The following CD36 variants were observed in gnomAD, a reference collection of about 807,000 sequenced individuals.
The protein encoded by CD36 is platelet glycoprotein 4.
CD36 carries 119 observed loss-of-function variants against 55.2 expected under a neutral mutation model. The ratio of observed to expected loss-of-function variants is 2.15; its 90% confidence interval spans 1.86 to 2.51. CD36 has a LOEUF of 2.51. CD36 is among the 30% of genes most tolerant of loss of function. CD36 has a pLI of 0.00. For missense variants in CD36, 819 were observed against 555.5 expected, an observed-to-expected ratio of 1.47 and a Z score of -4.77; for synonymous variants, 186 against 193.6, an observed-to-expected ratio of 0.96 and a Z score of 0.33.
chr7:80,606,172 C>G (rs1374782036), intron 1 of CD36, among the ~76,000 whole-genome samples: 3 of 152,058 alleles, frequency 2.0e-5, no homozygotes, highest in Non-Finnish European at 2.9e-5. Context: ...TTTTGAATCA[C>G]GTAAATAACT....
In CD36 at chr7:80,674,318, A is replaced by T. The variant is rs1394075001; in HGVS notation, c.*171A>T. ...ACCTATAAATATTATCACGCAGATC[A>T]CTAAAGTATATCTTTAATTCTGGGA... On this transcript the variant is annotated intron_variant, in intron 14 of 14. Coordinates refer to ENST00000447544, the MANE Select transcript of CD36 (RefSeq NM_001001548.3). The T allele has an allele frequency of 6.9e-6, 4 of 578,590 alleles. No individual in the cohort carries two copies. In the East Asian group the frequency reaches 1.2e-4, roughly 17 times the overall value. The allele number at this position is 578,590 out of a possible 1,614,324, so 35.8% of individuals were successfully genotyped here.
chr7:80,625,067 C>T (rs1793667272), intron 1 of CD36: 1 of 152,054 alleles, frequency 6.6e-6, no homozygotes, highest in Non-Finnish European at 1.5e-5. Context: ...ATTGTATTGG[C>T]TTGGGCTAGT....
At chr7:80,633,080 C>T (rs953869903) in intron 1 of CD36, 1 of 151,820 alleles carries the variant, frequency 6.6e-6, no homozygotes. Flanking sequence ...TCTGTTTTTT[C>T]CTCGAATAAT....
chr7:80,607,450 C>G (rs1311465966), intron 1 of CD36, among the ~76,000 whole-genome samples: 1 of 152,104 alleles, frequency 6.6e-6, no homozygotes, highest in Non-Finnish European at 1.5e-5. Flanking sequence ...TAGTTTTTAG[C>G]ACACTCTAAA....
upstream of CD36, among the ~76,000 whole-genome samples, chr7:80,637,398 A>G (rs1584340102): frequency 6.6e-6 from 1 of 152,186 alleles, no homozygotes; most frequent in Admixed American, 6.6e-5. Context: ...GAAAGCATAA[A>G]TTATAAAGAG....
chr7:80,666,180 T>C (rs745485836), intron 7 of CD36: 14 of 434,672 alleles, frequency 3.2e-5, no homozygotes, highest in Non-Finnish European at 4.6e-5. Flanking sequence ...ATGTTTTTAA[T>C]TTTTTTCTTA....
chr7:80,667,748 T>G (rs971232523), intron 8 of CD36, among the ~76,000 whole-genome samples: 7 of 68,388 alleles, frequency 1.0e-4, no homozygotes, highest in East Asian at 8.5e-4. Context: ...TTTTCTTTTG[T>G]TTTTTTTTTT....
At chr7:80,614,793 A>T (rs2115819804) in intron 1 of CD36, among the ~76,000 whole-genome samples, 1 of 152,146 alleles carries the variant, frequency 6.6e-6, no homozygotes, top group African/African-American at 2.4e-5. Flanking sequence ...TGCCCTTGTT[A>T]TTTGCTCTGC....
intron 1 of CD36, among the ~76,000 whole-genome samples, chr7:80,644,592 G>T (rs951750228): frequency 1.3e-5 from 2 of 152,044 alleles, no homozygotes; most frequent in African/African-American, 4.8e-5. Context: ...TCTTTTCTTA[G>T]CTCTACAGGT....
rs146688103 is a variant in CD36 at position 80,624,477 on chromosome 7, T to C, written c.-183-21611T>C. 4.7e-3 allele frequency among the ~76,000 whole-genome samples: 722 copies of C among 152,270 alleles called. 7 individuals carry two copies. The highest frequency in any genetic ancestry group is 0.017 in the African/African-American group (694 of 41,544). On this transcript the variant is annotated intron_variant, in intron 1 of 13. Transcript: ENST00000309881. The stretch of plus-strand genomic sequence containing the variant: ...TACTATGAGTTCTCAGTAATTGTTA[T>C]GTTAATAAGTGGTAAGAAGGCATTC...
chr7:80,645,164 G>A (rs1795068523), intron 1 of CD36, among the ~76,000 whole-genome samples: 1 of 151,592 alleles, frequency 6.6e-6, no homozygotes, highest in Non-Finnish European at 1.5e-5. Flanking sequence ...GGGATTACAA[G>A]CATGTGCCAC....
rs1426165617 is a variant in CD36, at chr7:80,677,320, TCTC to T, written c.*940_*942del. ...GTTCACTTATTCTGAGAGCATTAGT[TCTC>T]CTAAAAAGCTCCAGCATAGAAAGGG... is the stretch of plus-strand genomic sequence containing the variant. On this transcript the variant is annotated 3_prime_UTR_variant, in exon 15 of 15. Transcript: ENST00000447544. The T allele has an allele frequency of 6.6e-6, 1 of 152,148 alleles. No homozygotes were observed. The highest frequency in any genetic ancestry group is 1.5e-5 in the Non-Finnish European group (1 of 68,032). The allele number at this position is 152,148 out of a possible 1,614,324, so 9.4% of individuals were successfully genotyped here. A position where few individuals can be genotyped will look rare whatever the true frequency, so the allele number is the denominator to read the frequency against.
At chr7:80,606,037 A>G (rs1340501323) in intron 1 of CD36, among the ~76,000 whole-genome samples, 2 of 152,190 alleles carry the variant, frequency 1.3e-5, no homozygotes, top group Admixed American at 6.5e-5. Flanking sequence ...ATGTCCCAGT[A>G]CCTGACTCAT....
chr7:80,617,705 C>A (rs977218101), intron 1 of CD36, among the ~76,000 whole-genome samples: 4 of 133,780 alleles, frequency 3.0e-5, no homozygotes, highest in Admixed American at 8.5e-5. Context: ...CCAGTCTGAA[C>A]GACAGAGCGA....
chr7:80,645,617 G>C (rs1415805772), intron 1 of CD36, among the ~76,000 whole-genome samples: 1 of 152,094 alleles, frequency 6.6e-6, no homozygotes, highest in Non-Finnish European at 1.5e-5. Flanking sequence ...GGGTGACAGA[G>C]AAAGACTCCG....
chr7:80,666,385 T>C lies in CD36; in HGVS notation c.702-58T>C, dbSNP rs3212012. 7.1e-3 allele frequency: 7,890 copies of C among 1,107,804 alleles called. 49 individuals are homozygous for C. Among genetic ancestry groups the C allele is most frequent in the Non-Finnish European group, 8.9e-3 (6,456 of 725,356 alleles). 68.6% of individuals were successfully genotyped at this position (1,107,804 alleles called of 1,614,324 possible). A position where few individuals can be genotyped will look rare whatever the true frequency, so the allele number is the denominator to read the frequency against. ...TATTGAATTATAATAGAAAAAGTAA[T>C]GTAAGAAAGGTATTCTTTAAATAAG... is the stretch of plus-strand genomic sequence containing the variant. On this transcript the variant is annotated intron_variant, in intron 7 of 14. Coordinates refer to ENST00000447544, the MANE Select transcript of CD36 (RefSeq NM_001001548.3).
rs542508322 is a variant in CD36, at chr7:80,611,178, C to T, written c.-184+8799C>T. On this transcript the variant is annotated intron_variant, in intron 1 of 13. Transcript: ENST00000309881. ...GATTATAGGCCTGAGCCACTGCGCC[C>T]TGCCTTGAACAAAATTATAATAAAG... is the stretch of plus-strand genomic sequence containing the variant. Among the ~76,000 whole-genome samples, 7 of 152,292 alleles carry T rather than the reference C, an allele frequency of 4.6e-5. No individual in the cohort carries two copies. In the East Asian group the frequency reaches 1.4e-3, roughly 29 times the overall value.
chr7:80,611,150 T>G (rs573527052), intron 1 of CD36, among the ~76,000 whole-genome samples: 1 of 152,218 alleles, frequency 6.6e-6, no homozygotes, highest in South Asian at 2.1e-4. Context: ...CACAAACCAC[T>G]GGGATTATAG....
At chr7:80,651,720 C>A (rs1370412768) in intron 3 of CD36, among the ~76,000 whole-genome samples, 3 of 152,140 alleles carry the variant, frequency 2.0e-5, no homozygotes, top group East Asian at 1.9e-4. Flanking sequence ...CCAGCCTGGG[C>A]AACATGGCAA....
Sources: gnomAD v4.1 joint callset for allele counts (sites outside exome capture counted in the v4.1 genomes callset) on GRCh38, gnomAD v4.1.1 for gene constraint, MANE v1.5 for transcripts, NCBI Gene and HGNC (gene_info 2026-07-23, HGNC 2026-07-21) for gene names.